Variants in CNOT4 observed in about 807,000 individuals in gnomAD.
The protein encoded by CNOT4 is CCR4-NOT transcription complex subunit 4.
A neutral mutation model predicts 73.8 loss-of-function variants in CNOT4; 8 were observed. The observed-to-expected ratio is 0.11, with a 90% confidence interval of 0.06 to 0.20. The LOEUF (loss-of-function observed/expected upper bound fraction) is 0.20, where lower values mean the gene tolerates loss of function less well. Ranked by LOEUF, CNOT4 falls within the 10% of genes least tolerant of loss-of-function variation. CNOT4 has a pLI of 1.00. For missense variants in CNOT4, 564 were observed against 883.4 expected (o/e 0.64, Z 4.58); for synonymous variants, 293 against 321.1 (o/e 0.91, Z 0.94).
intron 1 of CNOT4, among the ~76,000 whole-genome samples, chr7:135,463,578 C>T (rs1476539586): frequency 1.2e-4 from 18 of 149,394 alleles, no homozygotes; most frequent in Non-Finnish European, 2.4e-4. Context: ...AACCAACCAC[C>T]GTGGAAGACA....
At chr7:135,490,983 G>A (rs756603015) in intron 1 of CNOT4, among the ~76,000 whole-genome samples, 1 of 152,210 alleles carries the variant, frequency 6.6e-6, no homozygotes, top group Non-Finnish European at 1.5e-5. Context: ...CTGAAGGAAT[G>A]AATGTTGGAT....
intron 1 of CNOT4, among the ~76,000 whole-genome samples, chr7:135,444,066 G>A (rs1266069823): frequency 1.3e-5 from 2 of 151,950 alleles, no homozygotes; most frequent in African/African-American, 4.8e-5. Context: ...CCTGAGCCAG[G>A]AGGGAGAGGC....
At chr7:135,482,208 T>C (rs1245717372) in intron 1 of CNOT4, among the ~76,000 whole-genome samples, 1 of 152,156 alleles carries the variant, frequency 6.6e-6, no homozygotes, top group Non-Finnish European at 1.5e-5. Flanking sequence ...ATATATGATA[T>C]TATGCATCAA....
At chr7:135,455,544 G>A (rs1236603969) in intron 1 of CNOT4, among the ~76,000 whole-genome samples, 1 of 151,526 alleles carries the variant, frequency 6.6e-6, no homozygotes, top group African/African-American at 2.4e-5. Flanking sequence ...CATACTTCAG[G>A]TGTCTTCAGG....
chr7:135,479,102 G>A (rs894679649), intron 1 of CNOT4, among the ~76,000 whole-genome samples: 9 of 151,110 alleles, frequency 6.0e-5, no homozygotes, highest in African/African-American at 1.9e-4. Flanking sequence ...GATGAAGCAT[G>A]GTATGTGCAT....
At chr7:135,458,776 T>C (rs535732067) in intron 1 of CNOT4, among the ~76,000 whole-genome samples, 1 of 152,138 alleles carries the variant, frequency 6.6e-6, no homozygotes, top group South Asian at 2.1e-4. Context: ...CAGGCTGTAC[T>C]TCTAATTCTA....
At chr7:135,388,485 C>G (rs1277623886) in intron 10 of CNOT4, 1 of 1,000,192 alleles carries the variant, frequency 1.0e-6, no homozygotes, top group African/African-American at 1.7e-5. Context: ...AATAATAGAG[C>G]CAAAATAACA....
chr7:135,389,497 AGGTCAGAGAATTATAGATGAATGAGATC>A (rs144420704), intron 10 of CNOT4, among the ~76,000 whole-genome samples: 5,286 of 152,234 alleles, frequency 0.035, 308 homozygotes, highest in African/African-American at 0.12. Flanking sequence ...GACTACTTCT[AGGTCAGAGAATTATAGATGAATGAGATC>A]GGTTCTCCTG....
chr7:135,506,622 G>A (rs1804386231), intron 1 of CNOT4, among the ~76,000 whole-genome samples: 2 of 152,142 alleles, frequency 1.3e-5, no homozygotes, highest in South Asian at 4.1e-4. Context: ...GGCCAAGGTG[G>A]GCGGATCACG....
rs753820571 is a variant in CNOT4, at chr7:135,393,997, G to A, written c.1548C>T (p.Asn516=). 1 of 1,614,046 alleles carries A rather than the reference G, an allele frequency of 6.2e-7. No individual in the cohort carries two copies. The highest frequency in any genetic ancestry group is 1.7e-5 in the Admixed American group (1 of 60,022). ...CCAAGAAATTACTATTTGAGGTGGG[G>A]TTTGCTGTGTGGTTCAAGTGCATGA... The part of the protein sequence containing the change: ...NSIMHLNHTA[N]PTSNSNFLDL... The change falls in exon 10 of 12, where the codon AAC becomes AAT. Residue 516 remains asparagine (N), a synonymous_variant. Coordinates refer to ENST00000541284, the MANE Select transcript of CNOT4 (RefSeq NM_001190850.2).
chr7:135,422,461 C>T (rs1798243995), intron 2 of CNOT4, 108 bp from the exon 3 acceptor site: 3 of 607,128 alleles, frequency 4.9e-6, no homozygotes, highest in Non-Finnish European at 8.9e-6. Context: ...GTTACATTCT[C>T]CCTTTATTAG....
chr7:135,376,932 GA>G lies in CNOT4; in HGVS notation c.1628-12867del, dbSNP rs1370336693. On this transcript the variant is annotated intron_variant, in intron 10 of 11. Transcript: ENST00000541284. ...AAGAGTATTTACTTTCATTTCAGAA[GA>G]AAAATTATTTCAGAAAATGATATAA... 7.2e-5 allele frequency among the ~76,000 whole-genome samples: 11 copies of G among 152,132 alleles called. No homozygotes were observed. In the East Asian group the frequency reaches 2.1e-3, roughly 29 times the overall value.
chr7:135,500,961 T>C (rs992932959), intron 1 of CNOT4, among the ~76,000 whole-genome samples: 4 of 151,580 alleles, frequency 2.6e-5, no homozygotes, highest in African/African-American at 9.7e-5. Context: ...TCAGAAACAC[T>C]GGTAGCTATT....
chr7:135,501,400 C>G (rs1192261145), intron 1 of CNOT4, among the ~76,000 whole-genome samples: 1 of 152,130 alleles, frequency 6.6e-6, no homozygotes, highest in Non-Finnish European at 1.5e-5. Flanking sequence ...CACATTTCCT[C>G]AGTTCTCTAC....
intron 2 of CNOT4, among the ~76,000 whole-genome samples, chr7:135,425,277 T>C (rs571557678): frequency 4.9e-4 from 75 of 152,330 alleles, no homozygotes; most frequent in African/African-American, 1.4e-3. Flanking sequence ...CCTCAAGCTG[T>C]TTCCTTTGTT....
chr7:135,450,314 A>AT (rs1442725565), intron 1 of CNOT4, among the ~76,000 whole-genome samples: 4 of 151,516 alleles, frequency 2.6e-5, no homozygotes, highest in Non-Finnish European at 2.9e-5. Context: ...ACAGTCAGAA[A>AT]TTTTTTTTTC....
chr7:135,410,447 T>A, intron 7 of CNOT4, 68 bp downstream of exon 7: 3 of 1,079,392 alleles, frequency 2.8e-6, no homozygotes, highest in Non-Finnish European at 3.8e-6. Context: ...CTGAAAAAGA[T>A]CTAAAATGAA....
intron 2 of CNOT4, among the ~76,000 whole-genome samples, chr7:135,426,055 T>TA (rs940504282): frequency 3.3e-5 from 5 of 150,164 alleles, no homozygotes; most frequent in Admixed American, 6.6e-5. Flanking sequence ...CTACAAAAAA[T>TA]AAAAAAAAAT....
At chr7:135,432,084 C>A (rs571863561) in intron 2 of CNOT4, among the ~76,000 whole-genome samples, 81 of 152,026 alleles carry the variant, frequency 5.3e-4, no homozygotes, top group Non-Finnish European at 9.9e-4. Flanking sequence ...AAGTTGAAAA[C>A]CTTGTCACGC....
Sources: gnomAD v4.1 joint callset for allele counts (sites outside exome capture counted in the v4.1 genomes callset) on GRCh38, gnomAD v4.1.1 for gene constraint, MANE v1.5 for transcripts, NCBI Gene and HGNC (gene_info 2026-07-23, HGNC 2026-07-21) for gene names.